SNRNP40: variants seen among roughly 807,000 people sequenced by gnomAD.
SNRNP40 encodes the protein small nuclear ribonucleoprotein U5 subunit 40.
Under a neutral mutation model 45.8 loss-of-function variants are expected in SNRNP40, and 21 were observed. The observed-to-expected ratio is 0.46, with a 90% CI of 0.32 to 0.66. The LOEUF is 0.66. Ranked by LOEUF, SNRNP40 falls within the 30% of genes least tolerant of loss-of-function variation. The pLI is 0.03. For synonymous variants in SNRNP40, 142 were observed against 163.8 expected (o/e 0.87, Z 1.01); for missense variants, 344 against 439.1 (o/e 0.78, Z 1.94).
chr1:31,280,974 G>A (rs1261700557), intron 5 of SNRNP40, among the ~76,000 whole-genome samples: 1 of 152,074 alleles, frequency 6.6e-6, no homozygotes, highest in Non-Finnish European at 1.5e-5. Flanking sequence ...GAGAAACTTA[G>A]AAAACTCTCT....
chr1:31,262,181 G>A (rs1645863281), intron 8 of SNRNP40, among the ~76,000 whole-genome samples: 1 of 152,090 alleles, frequency 6.6e-6, no homozygotes, highest in African/African-American at 2.4e-5. Context: ...GAATTAACAG[G>A]CAGAAGGAAT....
chr1:31,281,285 CA>C, intron 5 of SNRNP40, 88 bp downstream of exon 5: 1 of 1,150,952 alleles, frequency 8.7e-7, no homozygotes, highest in Non-Finnish European at 1.2e-6. Flanking sequence ...GTATTAAGTG[CA>C]AAGCTACCAC....
intron 4 of SNRNP40, among the ~76,000 whole-genome samples, chr1:31,283,912 G>A (rs1040198300): frequency 8.5e-5 from 13 of 152,088 alleles, no homozygotes; most frequent in Admixed American, 4.6e-4. Context: ...GGACCTAAAT[G>A]TAAGAGCTAA....
At chr1:31,272,791 A>G (rs190316499) in intron 5 of SNRNP40, among the ~76,000 whole-genome samples, 1 of 152,376 alleles carries the variant, frequency 6.6e-6, no homozygotes, top group Admixed American at 6.5e-5. Flanking sequence ...ATCTTTACAC[A>G]GACTACAGCT....
chr1:31,278,048 C>T (rs569651012), intron 5 of SNRNP40, among the ~76,000 whole-genome samples: 1 of 152,188 alleles, frequency 6.6e-6, no homozygotes, highest in South Asian at 2.1e-4. Flanking sequence ...TTCATCACCC[C>T]AAAAATTTCC....
chr1:31,272,876 A>G (rs182551332), intron 5 of SNRNP40, among the ~76,000 whole-genome samples: 1 of 152,370 alleles, frequency 6.6e-6, no homozygotes, highest in Non-Finnish European at 1.5e-5. Context: ...TAATTTTGTT[A>G]AGGTCACTGG....
chr1:31,290,915 A>G (rs1327938856), intron 3 of SNRNP40, among the ~76,000 whole-genome samples: 2 of 152,024 alleles, frequency 1.3e-5, no homozygotes, highest in Non-Finnish European at 2.9e-5. Flanking sequence ...AATAAAAAAG[A>G]TTGTACACAT....
At chr1:31,268,013 A>AT (rs1645911468) in intron 7 of SNRNP40, 81 bp from the exon 8 acceptor site, 1 of 927,846 alleles carries the variant, frequency 1.1e-6, no homozygotes, top group Admixed American at 2.0e-5. Context: ...GAGGCTTTAA[A>AT]TTTCCTAACT....
chr1:31,279,992 C>A (rs1257868662), intron 5 of SNRNP40, among the ~76,000 whole-genome samples: 2 of 150,208 alleles, frequency 1.3e-5, no homozygotes, highest in Non-Finnish European at 3.0e-5. Flanking sequence ...CCTGTAATCC[C>A]AGCTACTCAG....
At chr1:31,269,444 G>A (rs1645922215) in intron 6 of SNRNP40, 4 of 1,262,502 alleles carry the variant, frequency 3.2e-6, no homozygotes, top group Non-Finnish European at 4.1e-6. Context: ...AATAACTGGG[G>A]CTAGCTGAGG....
At chr1:31,290,552 T>A (rs1432056760) in intron 3 of SNRNP40, among the ~76,000 whole-genome samples, 9 of 152,112 alleles carry the variant, frequency 5.9e-5, no homozygotes. Context: ...GGCTGAGCAA[T>A]GTTAAGAGAA....
intron 4 of SNRNP40, among the ~76,000 whole-genome samples, chr1:31,286,650 G>A (rs551270350): frequency 2.0e-5 from 3 of 152,156 alleles, no homozygotes; most frequent in South Asian, 2.1e-4. Context: ...ACGTACAGGC[G>A]ACCCTTTCAC....
intron 2 of SNRNP40, 110 bp downstream of exon 2, chr1:31,293,109 C>A: frequency 1.7e-6 from 2 of 1,184,246 alleles, no homozygotes; most frequent in South Asian, 1.4e-5. Flanking sequence ...AGCCATGCAG[C>A]CTGTTATGTT....
intron 9 of SNRNP40, 80 bp downstream of exon 9, chr1:31,261,449 C>A (rs1645858419): frequency 1.1e-6 from 1 of 889,532 alleles, no homozygotes; most frequent in Non-Finnish European, 1.8e-6. Flanking sequence ...AAAACAGATA[C>A]CCGCTTTTGA....
chr1:31,293,944 T>C (rs576142280), intron 1 of SNRNP40, among the ~76,000 whole-genome samples: 123 of 152,028 alleles, frequency 8.1e-4, no homozygotes, highest in Non-Finnish European at 1.3e-3. Flanking sequence ...GTGAAATAGT[T>C]TTGTTTTATT....
At position 31,293,318 on chromosome 1, in the gene SNRNP40, G is replaced by A. The variant is rs767058359; in HGVS notation, c.172C>T (p.Pro58Ser). Residue 58 changes from proline (P) to serine (S), a missense_variant, in exon 2 of 10, where the codon CCA (proline) becomes TCA (serine). Transcript: ENST00000263694. ...TCATGTCCAGAGAGCAGCATGATTG[G>A]GGCTTGAAGGGAGGAACATCTTGGA... The part of the protein sequence containing the change: ...GPPRCSSLQA[P>S]IMLLSGHEGE... 1 of 1,612,066 alleles carries A rather than the reference G, an allele frequency of 6.2e-7. No individual in the cohort carries two copies. Among genetic ancestry groups the A allele is most frequent in the Non-Finnish European group, 8.5e-7 (1 of 1,179,460 alleles).
intron 6 of SNRNP40, among the ~76,000 whole-genome samples, chr1:31,270,630 T>C (rs1170495466): frequency 6.6e-6 from 1 of 152,184 alleles, no homozygotes; most frequent in Non-Finnish European, 1.5e-5. Flanking sequence ...GCGTGAAAGT[T>C]TGCCATTGAG....
chr1:31,264,155 G>A (rs1458753587), intron 8 of SNRNP40, among the ~76,000 whole-genome samples: 4 of 152,102 alleles, frequency 2.6e-5, no homozygotes, highest in African/African-American at 9.7e-5. Flanking sequence ...ATTATAAAAT[G>A]CCTAGTTCTA....
chr1:31,285,448 A>C (rs764999276), intron 4 of SNRNP40, among the ~76,000 whole-genome samples: 1 of 152,082 alleles, frequency 6.6e-6, no homozygotes, highest in Non-Finnish European at 1.5e-5. Context: ...CAAGTTGGCC[A>C]GGCTGGTTTC....
Sources: allele counts gnomAD v4.1 joint callset (sites outside exome capture counted in the v4.1 genomes callset), GRCh38; gene constraint gnomAD v4.1.1; transcripts MANE v1.5; gene names NCBI Gene and HGNC (gene_info 2026-07-23, HGNC 2026-07-21).